EPHA3: variants seen among roughly 807,000 people sequenced by gnomAD.
EPHA3 encodes ephrin type-A receptor 3.
EPHA3 carries 42 observed loss-of-function variants against 107.1 expected under a neutral mutation model. The ratio of observed to expected loss-of-function variants is 0.39; its 90% CI spans 0.31 to 0.51. The LOEUF (loss-of-function observed/expected upper bound fraction) is 0.51. EPHA3 is among the 20% of genes least tolerant of loss of function. The pLI is 0.78. For synonymous variants in EPHA3, 461 were observed against 424.8 expected (o/e 1.09, Z -1.05); for missense variants, 1,183 against 1,211.2 (o/e 0.98, Z 0.35).
At chr3:89,262,350 C>T (rs560526788) in intron 3 of EPHA3, among the ~76,000 whole-genome samples, 1 of 152,212 alleles carries the variant, frequency 6.6e-6, no homozygotes, top group South Asian at 2.1e-4. Context: ...ATTGGTGGGG[C>T]CATACTCCCT....
At chr3:89,458,250 C>G (rs954531317) in intron 15 of EPHA3, among the ~76,000 whole-genome samples, 1 of 152,006 alleles carries the variant, frequency 6.6e-6, no homozygotes, top group African/African-American at 2.4e-5. Context: ...TAACTCACTA[C>G]GTTGACTGCC....
chr3:89,276,326 A>G (rs1705804915), intron 3 of EPHA3, among the ~76,000 whole-genome samples: 1 of 152,106 alleles, frequency 6.6e-6, no homozygotes, highest in Admixed American at 6.6e-5. Flanking sequence ...TGTACTGTAC[A>G]GAATGAGGAT....
At chr3:89,127,419 C>A in intron 2 of EPHA3, 146 bp downstream of exon 2, 1 of 553,128 alleles carries the variant, frequency 1.8e-6, no homozygotes, top group Non-Finnish European at 3.1e-6. Flanking sequence ...TGGAGTACCA[C>A]AGCTTGACAT....
At chr3:89,217,277 G>T (rs1559605252) in intron 3 of EPHA3, among the ~76,000 whole-genome samples, 1 of 152,098 alleles carries the variant, frequency 6.6e-6, no homozygotes, top group East Asian at 1.9e-4. Flanking sequence ...AACTAGAAAA[G>T]CTGCATATAT....
intron 2 of EPHA3, among the ~76,000 whole-genome samples, chr3:89,209,096 T>A: frequency 6.6e-6 from 1 of 152,290 alleles, no homozygotes; most frequent in East Asian, 1.9e-4. Context: ...TTTAAAGGTT[T>A]TTACAGTGAT....
intron 3 of EPHA3, among the ~76,000 whole-genome samples, chr3:89,214,168 C>A (rs1704172443): frequency 6.6e-6 from 1 of 151,906 alleles, no homozygotes; most frequent in African/African-American, 2.4e-5. Context: ...GCCAAAAGCT[C>A]TTGTCACTAA....
intron 5 of EPHA3, among the ~76,000 whole-genome samples, chr3:89,380,165 G>C (rs1235902129): frequency 6.6e-6 from 1 of 152,126 alleles, no homozygotes; most frequent in Admixed American, 6.6e-5. Context: ...TTTGAAGAGA[G>C]ATAATTCCTT....
At chr3:89,458,760 C>A (rs529879410) in intron 15 of EPHA3, among the ~76,000 whole-genome samples, 2 of 152,242 alleles carry the variant, frequency 1.3e-5, no homozygotes, top group Admixed American at 6.5e-5. Flanking sequence ...TTTACAATAG[C>A]AAAAACTTGG....
In EPHA3 at chr3:89,237,981, G is replaced by GA. The variant is rs1189913937; in HGVS notation, c.814+27476dup. ...GCTACAGAGTGAGACCATGTCTCAGGAAAAAAAAAAAAAAAGAGGATATGA... is the reference window on the plus strand; with the variant it reads ...GCTACAGAGTGAGACCATGTCTCAGGAAAAAAAAAAAAAAAAGAGGATATGA... On this transcript the variant is annotated intron_variant, in intron 3 of 16. Coordinates refer to ENST00000336596, the MANE Select transcript of EPHA3 (RefSeq NM_005233.6). 6.6e-3 allele frequency among the ~76,000 whole-genome samples: 731 copies of GA among 110,126 alleles called. 4 individuals are homozygous for GA. Among genetic ancestry groups the GA allele is most frequent in the East Asian group, 0.022 (88 of 3,994 alleles). 72.2% of individuals were successfully genotyped at this position (110,126 alleles called of 152,430 possible).
chr3:89,236,610 T>G, intron 3 of EPHA3, among the ~76,000 whole-genome samples: 1 of 146,508 alleles, frequency 6.8e-6, no homozygotes. Flanking sequence ...AGGGATAGCA[T>G]TGGGAGATAT....
chr3:89,339,177 C>A (rs1340617161), intron 3 of EPHA3, among the ~76,000 whole-genome samples: 1 of 151,864 alleles, frequency 6.6e-6, no homozygotes, highest in African/African-American at 2.4e-5. Flanking sequence ...TCGAGACCAG[C>A]CTGACCAACA....
chr3:89,112,759 TA>T (rs564749989), intron 1 of EPHA3, among the ~76,000 whole-genome samples: 6 of 151,684 alleles, frequency 4.0e-5, no homozygotes, highest in Admixed American at 6.6e-5. Flanking sequence ...AGACATTTAC[TA>T]AAAAAAATCT....
chr3:89,339,110 C>T (rs1359373160), intron 3 of EPHA3, among the ~76,000 whole-genome samples: 28 of 152,118 alleles, frequency 1.8e-4, no homozygotes, highest in Admixed American at 1.8e-3. Flanking sequence ...CGGTGACTCA[C>T]GCCTGTAATC....
rs1709187600 is a variant in EPHA3 at position 89,413,196 on chromosome 3, C to T, written c.1818C>T (p.Thr606=). Residue 606 remains threonine, a synonymous_variant, in exon 10 of 17, where the codon ACC becomes ACT. Coordinates refer to ENST00000336596, the MANE Select transcript of EPHA3 (RefSeq NM_005233.6). The part of the protein sequence containing the change: ...YVDPHTYEDP[T]QAVHEFAKEL... ...ACCCACATACATATGAAGACCCTAC[C>T]CAAGCTGTTCATGAGTTTGCCAAGG... 1 of 1,611,878 alleles carries T rather than the reference C, an allele frequency of 6.2e-7. No individual in the cohort carries two copies. Among genetic ancestry groups the T allele is most frequent in the Non-Finnish European group, 8.5e-7 (1 of 1,178,522 alleles).
In EPHA3 at chr3:89,175,065, T is replaced by C. The variant is rs140807301; in HGVS notation, c.154-34795T>C. Among the ~76,000 whole-genome samples the C allele has an allele frequency of 3.3e-4, 49 of 149,274 alleles. No individual in the cohort carries two copies. In the East Asian group the frequency reaches 8.6e-3, roughly 26 times the overall value. On this transcript the variant is annotated intron_variant, in intron 2 of 16. Transcript: ENST00000336596. ...TAGGTTTGGTAAAGAAAAAAAGTGA[T>C]AGCATTTTTTTTTTTTTTTTGTAAT...
intron 2 of EPHA3, among the ~76,000 whole-genome samples, chr3:89,175,647 T>C (rs530611911): frequency 6.6e-6 from 1 of 152,322 alleles, no homozygotes; most frequent in African/African-American, 2.4e-5. Flanking sequence ...GTTCAAAAAC[T>C]AATATTATTA....
rs144541694 is a variant in EPHA3 at position 89,285,930 on chromosome 3, A to G, written c.815-54986A>G. On this transcript the variant is annotated intron_variant, in intron 3 of 16. Coordinates refer to ENST00000336596, the MANE Select transcript of EPHA3 (RefSeq NM_005233.6). The stretch of plus-strand genomic sequence containing the variant: ...GAGGGGTAAGGAAGAAGCGTTGGTC[A>G]ACTGGAAGCAGGTGATCAGGCAATC... Among the ~76,000 whole-genome samples, 117 of 152,234 alleles carry G rather than the reference A, an allele frequency of 7.7e-4. 1 individual carries two copies. Among genetic ancestry groups the G allele is most frequent in the African/African-American group, 2.6e-3 (108 of 41,570 alleles).
At chr3:89,221,852 G>T (rs1329369131) in intron 3 of EPHA3, among the ~76,000 whole-genome samples, 1 of 152,088 alleles carries the variant, frequency 6.6e-6, no homozygotes. Flanking sequence ...TCACCATAAT[G>T]AGAAAATTTG....
chr3:89,444,340 C>T (rs1709840357), intron 13 of EPHA3, among the ~76,000 whole-genome samples: 1 of 150,990 alleles, frequency 6.6e-6, no homozygotes, highest in Admixed American at 6.6e-5. Context: ...TCTTAAATTC[C>T]ATAATAATTT....
Sources: gnomAD v4.1 joint callset for allele counts (sites outside exome capture counted in the v4.1 genomes callset) on GRCh38, gnomAD v4.1.1 for gene constraint, MANE v1.5 for transcripts, NCBI Gene and HGNC (gene_info 2026-07-23, HGNC 2026-07-21) for gene names.